The following QARS1 variants were observed in gnomAD, a reference collection of about 807,000 sequenced individuals.
The protein encoded by QARS1 is glutaminyl-tRNA synthetase 1.
In QARS1, 79 loss-of-function variants were observed where a neutral mutation model predicts 106.9. That is an observed-to-expected ratio of 0.74 (90% CI 0.62 to 0.89). The LOEUF (loss-of-function observed/expected upper bound fraction) is 0.89, where lower values mean the gene tolerates loss of function less well. QARS1 is among the 40% of genes least tolerant of loss of function. The pLI, the probability that QARS1 is intolerant of heterozygous loss-of-function variation, is 0.00. For synonymous variants in QARS1, 395 were observed against 367.7 expected (o/e 1.07, Z -0.85); for missense variants, 966 against 997.2 (o/e 0.97, Z 0.42).
In QARS1 at chr3:49,100,210, CCT is replaced by C. The variant is rs777180472; in HGVS notation, c.1142_1143del (p.Glu381GlyfsTer7). ...CCCACCTCAAAGAGCAGCAGTGACT[CCT>C]CCATGGGACGGTCTCTCCAGGGTGA... ...LPSPWRDRPM[E>X]ESLLLFEAMR... On this transcript the variant is annotated frameshift_variant, in exon 13 of 24. Coordinates refer to ENST00000306125, the MANE Select transcript of QARS1 (RefSeq NM_005051.3). LOFTEE classifies it high-confidence loss of function. The C allele has an allele frequency of 2.5e-6, 4 of 1,614,232 alleles. No homozygotes were observed. Among genetic ancestry groups the C allele is most frequent in the Non-Finnish European group, 3.4e-6 (4 of 1,180,048 alleles).
rs2042428867 is a variant in QARS1 at position 49,098,932 on chromosome 3, C to T, written c.1816G>A (p.Val606Ile). ...ATGAAGACAATGGGTGCAAAGGGAA[C>T]CTGATGGAAGCCTTTGGTCTCATCA... Reference protein sequence around the residue: ...PADETKGFHQVPFAPIVFIER... With the variant: ...PADETKGFHQIPFAPIVFIER... Residue 606 changes from valine to isoleucine, a missense_variant, in exon 19 of 24, where the codon GTT becomes ATT. Coordinates refer to ENST00000306125, the MANE Select transcript of QARS1 (RefSeq NM_005051.3). The T allele has an allele frequency of 1.9e-6, 3 of 1,614,020 alleles. No homozygotes were observed. The highest frequency in any genetic ancestry group is 2.5e-6 in the Non-Finnish European group (3 of 1,180,010).
chr3:49,103,596 G>A (rs769652583), intron 4 of QARS1, 35 bp downstream of exon 4: 11 of 1,604,762 alleles, frequency 6.9e-6, no homozygotes, highest in Middle Eastern at 3.3e-4. Context: ...CATGACCAGA[G>A]AGAACAATAT....
At position 49,101,594 on chromosome 3, in the gene QARS1, G is replaced by C. The variant is rs569326058; in HGVS notation, c.789+26C>G. ...CTCAGGCAGGTGTTTGATGGCACAA[G>C]CTCACATGGCCACATCCCCACACAC... On this transcript the variant is annotated intron_variant, in intron 9 of 23. Transcript: ENST00000306125. The C allele has an allele frequency of 1.6e-5, 25 of 1,611,876 alleles. No homozygotes were observed. The African/African-American group carries it at 2.3e-4, about 15-fold the overall frequency.
chr3:49,102,321 G>C, intron 6 of QARS1, 56 bp from the exon 7 acceptor site: 2 of 1,613,442 alleles, frequency 1.2e-6, no homozygotes, highest in South Asian at 2.2e-5. Context: ...CTTGGATAGG[G>C]TCTTGGGATC....
rs1489333644 is a variant in QARS1 at position 49,097,988 on chromosome 3, G to C, written c.2277+4C>G. 1 of 1,614,108 alleles carries C rather than the reference G, an allele frequency of 6.2e-7. No individual in the cohort carries two copies. Among genetic ancestry groups the C allele is most frequent in the East Asian group, 2.2e-5 (1 of 44,874 alleles). On this transcript the variant is annotated splice_donor_region_variant and intron_variant, in intron 23 of 23. Coordinates refer to ENST00000306125, the MANE Select transcript of QARS1 (RefSeq NM_005051.3). ...GATGAGGGCAGGTGAGTAAAGTCAA[G>C]CACCTTTCCCTGATGGCTGTCTGGA...
In QARS1 at chr3:49,103,882, G is replaced by A; in HGVS notation, c.356C>T (p.Pro119Leu). ...ACTCACAGCCTCCTCAATCTGCTCT[G>A]GGGTCACAATGACACCCACGCCACA... The part of the protein sequence containing the change: ...RECGVGVIVT[P>L]EQIEEAVEAA... Residue 119 changes from proline to leucine, a missense_variant, in exon 3 of 24, where the codon CCA becomes CTA. Pro to Leu is a moderately conservative substitution (Grantham distance 98). Coordinates refer to ENST00000306125, the MANE Select transcript of QARS1 (RefSeq NM_005051.3). 3 of 1,613,974 alleles carry A rather than the reference G, an allele frequency of 1.9e-6. No homozygotes were observed. Among genetic ancestry groups the A allele is most frequent in the Non-Finnish European group, 8.5e-7 (1 of 1,179,974 alleles).
At position 49,099,101 on chromosome 3, in the gene QARS1, C is replaced by A; in HGVS notation, c.1758+9G>T. 1 of 1,614,130 alleles carries A rather than the reference C, an allele frequency of 6.2e-7. No homozygotes were observed. The highest frequency in any genetic ancestry group is 8.5e-7 in the Non-Finnish European group (1 of 1,180,004). ...CACACATGTGACACACATGTTGAGG[C>A]AGGCCCACCTTGGCAGCAGGAAAGT... On this transcript the variant is annotated intron_variant, in intron 18 of 23. Transcript: ENST00000306125.
chr3:49,096,298 C>T (rs950656257), intron 23 of QARS1, among the ~76,000 whole-genome samples: 1 of 152,204 alleles, frequency 6.6e-6, no homozygotes. Context: ...TAACAACCAC[C>T]GTGGGGGTCC....
chr3:49,099,862 C>A lies in QARS1; in HGVS notation c.1296-9G>T. On this transcript the variant is annotated splice_polypyrimidine_tract_variant and intron_variant, in intron 14 of 23. Coordinates refer to ENST00000306125, the MANE Select transcript of QARS1 (RefSeq NM_005051.3). ...AGGTGGGATAGATGCACCTGTGGGG[C>A]ATAGGCAGTGGGCCCTACCATCCAG... 6.2e-7 allele frequency: 1 copy of A among 1,613,932 alleles called. No individual in the cohort carries two copies. Among genetic ancestry groups the A allele is most frequent in the African/African-American group, 1.3e-5 (1 of 74,988 alleles).
chr3:49,099,121 G>C lies in QARS1; in HGVS notation c.1747C>G (p.Pro583Ala). Residue 583 changes from proline to alanine, a missense_variant, in exon 18 of 24, where the codon CCT (proline) becomes GCT (alanine). Physicochemically the swap from Pro to Ala is conservative, Grantham distance 27 (BLOSUM62 -1). Transcript: ENST00000306125. ...ESLRVIITNF[P>A]AAKSLDIQVP... ...TGAGGCAGGCCCACCTTGGCAGCAG[G>C]AAAGTTGGTGATGATGACCCGTAGT... 1 of 1,614,198 alleles carries C rather than the reference G, an allele frequency of 6.2e-7. No homozygotes were observed. The highest frequency in any genetic ancestry group is 2.2e-5 in the East Asian group (1 of 44,888).
chr3:49,099,055 A>C lies in QARS1; in HGVS notation c.1758+55T>G, dbSNP rs2042430822. On this transcript the variant is annotated intron_variant, in intron 18 of 23. Transcript: ENST00000306125. ...CATTAGGACCCCCATGCCCAGAGCC[A>C]AGTGTACCCCCAGCTACACACACAC... 2.0e-5 allele frequency: 33 copies of C among 1,613,296 alleles called. No homozygotes were observed. The South Asian group carries it at 3.6e-4, about 18-fold the overall frequency.
At position 49,099,530 on chromosome 3, in the gene QARS1, A is replaced by G. The variant is rs775836716; in HGVS notation, c.1506T>C (p.Leu502=). Residue 502 remains leucine, a synonymous_variant, in exon 16 of 24, where the codon CTT becomes CTC. Coordinates refer to ENST00000306125, the MANE Select transcript of QARS1 (RefSeq NM_005051.3). ...CCTACCGCACAGCACCAGTTGCTAC[A>G]AGCTGGAGGATCTTCCTCTTAGAGA... The part of the protein sequence containing the change: ...AVVSKRKILQ[L]VATGAVRDWD... 57 of 1,614,096 alleles carry G rather than the reference A, an allele frequency of 3.5e-5. No individual in the cohort carries two copies. In the Admixed American group the frequency reaches 3.8e-4, roughly 11 times the overall value.
At chr3:49,096,143 T>A (rs1213386056) in intron 23 of QARS1, 64 bp from the exon 24 acceptor site, 4 of 1,560,084 alleles carry the variant, frequency 2.6e-6, no homozygotes, top group Non-Finnish European at 3.5e-6. Context: ...CCTGGGCAGG[T>A]TTCACCACAG....
In QARS1 at chr3:49,098,203, C is replaced by A; in HGVS notation, c.2140G>T (p.Asp714Tyr). ...CCTCATGAACCTACCAGGTTCAGGTCACTTAAAAATCCACCAGGCACCTCA... is the reference window on the plus strand; with the variant it reads ...CCTCATGAACCTACCAGGTTCAGGTAACTTAAAAATCCACCAGGCACCTCA... ...PTEVPGGFLS[D>Y]LNLASLHVVD... The change falls in exon 22 of 24, where the codon GAC becomes TAC. Residue 714 changes from aspartate (D) to tyrosine (Y), a missense_variant. Physicochemically the swap from Asp to Tyr is radical, Grantham distance 160. Coordinates refer to ENST00000306125, the MANE Select transcript of QARS1 (RefSeq NM_005051.3). 1 of 1,614,128 alleles carries A rather than the reference C, an allele frequency of 6.2e-7. No individual in the cohort carries two copies. Among genetic ancestry groups the A allele is most frequent in the South Asian group, 1.1e-5 (1 of 91,036 alleles).
At position 49,099,712 on chromosome 3, in the gene QARS1, C is replaced by A. The variant is rs564876128; in HGVS notation, c.1388+49G>T. 6 of 1,613,530 alleles carry A rather than the reference C, an allele frequency of 3.7e-6. No homozygotes were observed. The South Asian group carries it at 5.5e-5, about 15-fold the overall frequency. On this transcript the variant is annotated intron_variant, in intron 15 of 23. Coordinates refer to ENST00000306125, the MANE Select transcript of QARS1 (RefSeq NM_005051.3). ...AACCAGGCAGAGACCACAGGAAGGG[C>A]TGCTGGAATTCCACTGGCCCTACCA...
At position 49,101,711 on chromosome 3, in the gene QARS1, A is replaced by G; in HGVS notation, c.704-6T>C. ...TGGGGTCTTGTAGTTCTCACCTGCC[A>G]GGACCAGAATAAGCCTAAGGACCAG... is the stretch of plus-strand genomic sequence containing the variant. On this transcript the variant is annotated splice_polypyrimidine_tract_variant and splice_region_variant and intron_variant, in intron 8 of 23. Coordinates refer to ENST00000306125, the MANE Select transcript of QARS1 (RefSeq NM_005051.3). The G allele has an allele frequency of 6.2e-7, 1 of 1,614,096 alleles. No homozygotes were observed. The highest frequency in any genetic ancestry group is 8.5e-7 in the Non-Finnish European group (1 of 1,179,998).
rs755884179 is a variant in QARS1, at chr3:49,100,297, C to T, written c.1057G>A (p.Gly353Ser). 2.5e-6 allele frequency: 4 copies of T among 1,614,240 alleles called. No individual in the cohort carries two copies. The highest frequency in any genetic ancestry group is 3.4e-6 in the Non-Finnish European group (4 of 1,180,038). ...YAWAVELIRR[G>S]LAYVCHQRGE... ...CGCTGGTGGCACACATAAGCCAGAC[C>T]CCTGTGGGGAAGCGGTGTGAGTGCC... The change falls in exon 13 of 24, where the codon GGT becomes AGT. Residue 353 changes from glycine (G) to serine (S), a missense_variant and splice_region_variant. Transcript: ENST00000306125.
Position 49,101,335 on chromosome 3 carries a change from G to A in QARS1, c.876+20C>T. The A allele has an allele frequency of 6.3e-7, 1 of 1,578,774 alleles. No individual in the cohort carries two copies. Among genetic ancestry groups the A allele is most frequent in the Non-Finnish European group, 8.7e-7 (1 of 1,149,968 alleles). ...AGCAAGTGGTCATCTTGCTTGCCAG[G>A]TCCCTAGACACATGCTTACCTTGGC... On this transcript the variant is annotated intron_variant, in intron 10 of 23. Transcript: ENST00000306125.
At chr3:49,097,212 G>A (rs1003361409) in intron 23 of QARS1, 1 of 152,094 alleles carries the variant, frequency 6.6e-6, no homozygotes, top group African/African-American at 2.4e-5. Flanking sequence ...AATAGCTTGA[G>A]CCCAGTAGTT....
Sources: gnomAD v4.1 joint callset for allele counts (sites outside exome capture counted in the v4.1 genomes callset) on GRCh38, gnomAD v4.1.1 for gene constraint, MANE v1.5 for transcripts, NCBI Gene and HGNC (gene_info 2026-07-23, HGNC 2026-07-21) for gene names.